Variants in KCNJ3 observed in about 807,000 individuals in gnomAD.
KCNJ3 encodes G protein-activated inward rectifier potassium channel 1.
KCNJ3 carries 4 observed loss-of-function variants against 39.2 expected under a neutral mutation model. That is an observed-to-expected ratio of 0.10 (90% CI 0.05 to 0.23). The LOEUF is 0.23. Among genes scored for constraint, KCNJ3 ranks in the 10% least tolerant of loss-of-function variants. The pLI, the probability that KCNJ3 is intolerant of heterozygous loss-of-function variation, is 1.00. For missense variants in KCNJ3, 276 were observed against 634.9 expected (o/e 0.43, Z 6.08); for synonymous variants, 230 against 237.4 (o/e 0.97, Z 0.29).
intron 1 of KCNJ3, among the ~76,000 whole-genome samples, chr2:154,700,682 G>A (rs181539847): frequency 3.4e-4 from 51 of 152,210 alleles, no homozygotes; most frequent in African/African-American, 1.2e-3. Context: ...GTTTTACACA[G>A]CCCCAACTTA....
chr2:154,817,192 C>A (rs1687098185), intron 2 of KCNJ3, among the ~76,000 whole-genome samples: 1 of 152,066 alleles, frequency 6.6e-6, no homozygotes, highest in Non-Finnish European at 1.5e-5. Flanking sequence ...TTTTGCATTC[C>A]AATAATAACC....
chr2:154,753,493 G>T (rs1283507775), intron 2 of KCNJ3, among the ~76,000 whole-genome samples: 1 of 152,050 alleles, frequency 6.6e-6, no homozygotes, highest in East Asian at 1.9e-4. Context: ...ATAAATACCA[G>T]TCCTTCACTC....
chr2:154,837,727 C>T (rs1436213997), intron 2 of KCNJ3, among the ~76,000 whole-genome samples: 1 of 152,142 alleles, frequency 6.6e-6, no homozygotes, highest in Non-Finnish European at 1.5e-5. Context: ...TTACTGTAAT[C>T]TGAAATGTGT....
chr2:154,836,836 C>G (rs1406601046), intron 2 of KCNJ3, among the ~76,000 whole-genome samples: 1 of 152,114 alleles, frequency 6.6e-6, no homozygotes, highest in African/African-American at 2.4e-5. Context: ...CTGTTTTAAG[C>G]CTGCAAGCAA....
At chr2:154,808,698 T>G (rs576502308) in intron 2 of KCNJ3, among the ~76,000 whole-genome samples, 2 of 152,218 alleles carry the variant, frequency 1.3e-5, no homozygotes, top group South Asian at 2.1e-4. Flanking sequence ...AAAACTAGAC[T>G]GATATAACTC....
intron 2 of KCNJ3, among the ~76,000 whole-genome samples, chr2:154,828,164 C>T (rs1175657922): frequency 6.6e-6 from 1 of 152,066 alleles, no homozygotes; most frequent in Non-Finnish European, 1.5e-5. Flanking sequence ...TACTACTTAC[C>T]TATTATTGTC....
intron 2 of KCNJ3, among the ~76,000 whole-genome samples, chr2:154,836,990 A>C (rs1030889883): frequency 6.6e-6 from 1 of 152,226 alleles, no homozygotes; most frequent in Non-Finnish European, 1.5e-5. Context: ...AAAAATAGAT[A>C]CAGTGTATTT....
chr2:154,731,500 A>G (rs910227152), intron 2 of KCNJ3, among the ~76,000 whole-genome samples: 1 of 151,980 alleles, frequency 6.6e-6, no homozygotes, highest in Non-Finnish European at 1.5e-5. Context: ...TCTGAAATGT[A>G]CAAGTTATGT....
At chr2:154,846,343 G>GA (rs1415674130) in intron 2 of KCNJ3, among the ~76,000 whole-genome samples, 1 of 152,098 alleles carries the variant, frequency 6.6e-6, no homozygotes, top group Non-Finnish European at 1.5e-5. Context: ...AAATATATCT[G>GA]AACTAATCTT....
intron 2 of KCNJ3, among the ~76,000 whole-genome samples, chr2:154,735,361 G>A (rs1314650036): frequency 1.3e-5 from 2 of 150,662 alleles, no homozygotes; most frequent in South Asian, 2.1e-4. Context: ...TGATCCGTCC[G>A]CCTCGGCATC....
At chr2:154,734,376 G>A (rs1685489449) in intron 2 of KCNJ3, among the ~76,000 whole-genome samples, 1 of 152,184 alleles carries the variant, frequency 6.6e-6, no homozygotes, top group Non-Finnish European at 1.5e-5. Context: ...AATCTAGGAT[G>A]ATTCTCCATG....
At chr2:154,702,329 C>T (rs1367919401) in intron 1 of KCNJ3, among the ~76,000 whole-genome samples, 1 of 151,824 alleles carries the variant, frequency 6.6e-6, no homozygotes, top group Admixed American at 6.6e-5. Flanking sequence ...ATTTAATTTA[C>T]TAATTTTTCT....
At chr2:154,801,461 G>T (rs1250976610) in intron 2 of KCNJ3, among the ~76,000 whole-genome samples, 1 of 151,620 alleles carries the variant, frequency 6.6e-6, no homozygotes, top group East Asian at 1.9e-4. Flanking sequence ...GGCCTGGAAG[G>T]CCCCCTTCCT....
chr2:154,751,167 T>G (rs1021204825), intron 2 of KCNJ3, among the ~76,000 whole-genome samples: 12 of 151,868 alleles, frequency 7.9e-5, no homozygotes, highest in African/African-American at 2.9e-4. Context: ...TTAAAAATCA[T>G]AAGGTAGATG....
chr2:154,778,170 A>G (rs1408613350), intron 2 of KCNJ3, among the ~76,000 whole-genome samples: 1 of 152,194 alleles, frequency 6.6e-6, no homozygotes, highest in Non-Finnish European at 1.5e-5. Context: ...TTTAAATGAT[A>G]AAGGTTTCTT....
chr2:154,817,970 G>A (rs915222498), intron 2 of KCNJ3, among the ~76,000 whole-genome samples: 3 of 151,894 alleles, frequency 2.0e-5, no homozygotes, highest in South Asian at 2.1e-4. Context: ...TTCTTATTTC[G>A]TGTCTTGTAG....
At chr2:154,756,517 C>T (rs1277940591) in intron 2 of KCNJ3, among the ~76,000 whole-genome samples, 1 of 151,912 alleles carries the variant, frequency 6.6e-6, no homozygotes, top group Non-Finnish European at 1.5e-5. Context: ...CTATCCCTCC[C>T]CTAGACCCCC....
chr2:154,781,429 G>A (rs987713414), intron 2 of KCNJ3, among the ~76,000 whole-genome samples: 9 of 152,070 alleles, frequency 5.9e-5, no homozygotes, highest in African/African-American at 1.7e-4. Flanking sequence ...GAAATTATCC[G>A]TAACTTTTCC....
At position 154,855,029 on chromosome 2, in the gene KCNJ3, G is replaced by A. The variant is rs781283145; in HGVS notation, c.1222G>A (p.Gly408Arg). 1 of 1,614,052 alleles carries A rather than the reference G, an allele frequency of 6.2e-7. No individual in the cohort carries two copies. The highest frequency in any genetic ancestry group is 1.1e-5 in the South Asian group (1 of 91,078). The change falls in exon 3 of 3, where the codon GGA becomes AGA. Residue 408 changes from glycine to arginine, a missense_variant. Around this residue, in one of 4 missense-constraint regions of KCNJ3, gnomAD observed 126 missense variants for 179.8 expected, o/e 0.70. Coordinates refer to ENST00000295101, the MANE Select transcript of KCNJ3 (RefSeq NM_002239.4). ...KLPSKLQKIT[G>R]REDFPKKLLR... ...ACCATCTAAGCTGCAGAAAATTACTGGAAGAGAAGACTTTCCCAAAAAACT... is the reference window on the plus strand; with the variant it reads ...ACCATCTAAGCTGCAGAAAATTACTAGAAGAGAAGACTTTCCCAAAAAACT...
Sources: gnomAD v4.1 joint callset for allele counts (sites outside exome capture counted in the v4.1 genomes callset) on GRCh38, gnomAD v4.1.1 for gene constraint, gnomAD v4.1.1 regional missense constraint, MANE v1.5 for transcripts, NCBI Gene and HGNC (gene_info 2026-07-23, HGNC 2026-07-21) for gene names.